The following DNAH10 variants were observed in gnomAD, a reference collection of about 807,000 sequenced individuals.
The protein encoded by DNAH10 is dynein axonemal heavy chain 10, also known as axonemal beta dynein heavy chain 10.
DNAH10 carries 348 observed loss-of-function variants against 506.6 expected under a neutral mutation model. That is an observed-to-expected ratio of 0.69 (90% confidence interval 0.63 to 0.75). The LOEUF (loss-of-function observed/expected upper bound fraction) is 0.75, where lower values mean the gene tolerates loss of function less well. Ranked by LOEUF, DNAH10 falls within the 30% of genes least tolerant of loss-of-function variation. DNAH10 has a pLI of 0.00. For synonymous variants in DNAH10, 2,059 were observed against 2,198.6 expected, an observed-to-expected ratio of 0.94 and a Z score of 1.78; for missense variants, 5,179 against 5,787.1, an observed-to-expected ratio of 0.89 and a Z score of 3.41.
chr12:123,811,183 C>T (rs1958916956), intron 19 of DNAH10, among the ~76,000 whole-genome samples: 1 of 152,204 alleles, frequency 6.6e-6, no homozygotes, highest in Non-Finnish European at 1.5e-5. Flanking sequence ...TTTACCTCCT[C>T]TACTAAGTGG....
Position 123,826,688 on chromosome 12 carries a change from T to C in DNAH10, c.4181T>C (p.Val1394Ala). 1.2e-6 allele frequency: 2 copies of C among 1,612,684 alleles called. No individual in the cohort carries two copies. The highest frequency in any genetic ancestry group is 1.7e-6 in the Non-Finnish European group (2 of 1,179,278). The change falls in exon 25 of 79, where the codon GTT becomes GCT. Residue 1394 changes from valine to alanine, a missense_variant and splice_region_variant. Physicochemically the swap from Val to Ala is moderately conservative, Grantham distance 64 (BLOSUM62 0). Around this residue, in one of 3 missense-constraint regions of DNAH10, gnomAD observed 4,844 missense variants for 5,430.5 expected, o/e 0.89. Coordinates refer to ENST00000673944, the MANE Select transcript of DNAH10 (RefSeq NM_001372106.1). ...MIYELYEGLKVAKEEWSQTLW... is the reference protein window; with the variant it reads ...MIYELYEGLKAAKEEWSQTLW... The stretch of plus-strand genomic sequence containing the variant: ...GAGCTGTTCCTTGCACGTTTCCAGG[T>C]TGCAAAAGAAGAATGGTCTCAGACC...
intron 25 of DNAH10, among the ~76,000 whole-genome samples, chr12:123,827,767 C>T (rs1960140897): frequency 1.3e-5 from 2 of 152,198 alleles, no homozygotes; most frequent in African/African-American, 2.4e-5. Flanking sequence ...CTCGTAAGTG[C>T]TGGCTTGTTT....
At chr12:123,820,493 A>G (rs765464224) in intron 23 of DNAH10, 87 bp from the exon 24 acceptor site, 25 of 1,326,522 alleles carry the variant, frequency 1.9e-5, no homozygotes, top group Non-Finnish European at 2.1e-6. Flanking sequence ...TGAAATTATA[A>G]TTGAGATACA....
intron 76 of DNAH10, among the ~76,000 whole-genome samples, chr12:123,933,017 C>T (rs1263260739): frequency 6.6e-6 from 1 of 152,152 alleles, no homozygotes; most frequent in Non-Finnish European, 1.5e-5. Context: ...TACATTTTTC[C>T]GTAGTCAAAC....
chr12:123,894,817 T>C, intron 54 of DNAH10, 94 bp downstream of exon 54: 1 of 1,163,440 alleles, frequency 8.6e-7, no homozygotes, highest in Non-Finnish European at 1.3e-6. Context: ...TGTAGATTTC[T>C]TCACTGGAAA....
At chr12:123,843,040 C>G (rs756925896) in intron 30 of DNAH10, among the ~76,000 whole-genome samples, 19 of 152,222 alleles carry the variant, frequency 1.2e-4, no homozygotes, top group Non-Finnish European at 2.6e-4. Context: ...GAAGTTTACA[C>G]CAGCATCAGT....
At chr12:123,878,937 C>A (rs1952377962) in intron 48 of DNAH10, among the ~76,000 whole-genome samples, 2 of 152,100 alleles carry the variant, frequency 1.3e-5, no homozygotes. Flanking sequence ...TTGCCAGTGA[C>A]CCTGATGCTG....
chr12:123,915,624 G>T (rs918051898), intron 62 of DNAH10, among the ~76,000 whole-genome samples: 1 of 152,198 alleles, frequency 6.6e-6, no homozygotes, highest in East Asian at 1.9e-4. Flanking sequence ...CTCAGACGCT[G>T]TGTGGCCTTT....
At chr12:123,866,274 C>T (rs1171753111) in intron 41 of DNAH10, among the ~76,000 whole-genome samples, 3 of 109,412 alleles carry the variant, frequency 2.7e-5, no homozygotes, top group Non-Finnish European at 5.1e-5. Flanking sequence ...GACGGAGTCT[C>T]GCTCTGTCAC....
intron 54 of DNAH10, among the ~76,000 whole-genome samples, chr12:123,897,466 G>A (rs375242948): frequency 2.0e-5 from 3 of 152,222 alleles, no homozygotes; most frequent in South Asian, 4.1e-4. Flanking sequence ...AGTCACGCCT[G>A]TAATCCCAGC....
At chr12:123,885,736 C>A (rs556236015) in intron 51 of DNAH10, among the ~76,000 whole-genome samples, 7 of 152,322 alleles carry the variant, frequency 4.6e-5, no homozygotes, top group African/African-American at 1.7e-4. Context: ...TGTCTGTTTT[C>A]ACATATTCTT....
In DNAH10 at chr12:123,787,200, C is replaced by G. The variant is rs1301249115; in HGVS notation, c.1422-604C>G. Among the ~76,000 whole-genome samples the G allele has an allele frequency of 1.3e-5, 2 of 151,992 alleles. No individual in the cohort carries two copies. Among genetic ancestry groups the G allele is most frequent in the African/African-American group, 4.8e-5 (2 of 41,362 alleles). On this transcript the variant is annotated intron_variant, in intron 9 of 78. Transcript: ENST00000673944. The surrounding 1 kb of genome is among the most constrained non-coding windows in gnomAD (Gnocchi z 4.6). Reference sequence around the variant, plus strand: ...TATCTATATGTATCTAGATAGATATCTATATTTATCCATATCTATACATAG... The same window carrying G: ...TATCTATATGTATCTAGATAGATATGTATATTTATCCATATCTATACATAG...
intron 21 of DNAH10, among the ~76,000 whole-genome samples, chr12:123,818,711 A>G (rs1959187090): frequency 1.3e-5 from 2 of 152,052 alleles, no homozygotes; most frequent in South Asian, 4.2e-4. Flanking sequence ...CAAACTCCTG[A>G]GCTCAAGGGA....
chr12:123,797,251 C>T (rs1015357294), intron 13 of DNAH10, among the ~76,000 whole-genome samples: 1 of 152,200 alleles, frequency 6.6e-6, no homozygotes. Flanking sequence ...CTGCTGCCGC[C>T]ATGCAGCACG....
chr12:123,817,925 T>C (rs1959174479), intron 21 of DNAH10, among the ~76,000 whole-genome samples: 1 of 152,062 alleles, frequency 6.6e-6, no homozygotes, highest in Non-Finnish European at 1.5e-5. Context: ...CTTATCTCTC[T>C]GTAATATCTC....
intron 24 of DNAH10, among the ~76,000 whole-genome samples, chr12:123,822,550 TATCTA>T (rs1959525000): frequency 6.6e-6 from 1 of 152,226 alleles, no homozygotes; most frequent in African/African-American, 2.4e-5. Context: ...TGTATTACAT[TATCTA>T]ATCTATATCT....
intron 73 of DNAH10, among the ~76,000 whole-genome samples, chr12:123,931,074 G>C (rs1276097311): frequency 6.6e-6 from 1 of 152,102 alleles, no homozygotes; most frequent in Non-Finnish European, 1.5e-5. Context: ...TATTAGCTGA[G>C]TGTGGTGGTG....
Position 123,913,702 on chromosome 12 carries a change from C to T in DNAH10, c.10352+387C>T, listed in dbSNP as rs1954336473. Among the ~76,000 whole-genome samples, 1 of 152,198 alleles carries T rather than the reference C, an allele frequency of 6.6e-6. No homozygotes were observed. The highest frequency in any genetic ancestry group is 2.4e-5 in the African/African-American group (1 of 41,446). On this transcript the variant is annotated intron_variant, in intron 60 of 78. Transcript: ENST00000673944. The surrounding 1 kb of genome is among the most constrained non-coding windows in gnomAD (Gnocchi z 5.1). ...CCGCACAGATGCCTTCTAAGGGTCC[C>T]AGTGGCTTGTTCAATCCTGGGCTTC...
Position 123,803,759 on chromosome 12 carries a change from C to T in DNAH10, c.2713C>T (p.Leu905=), listed in dbSNP as rs1958557761. Residue 905 remains leucine, a synonymous_variant, in exon 17 of 79, where the codon CTG becomes TTG. Transcript: ENST00000673944. ...HKNADDISSR[L]TLIEAINLFK... ...GAATGCAGATGACATTTCTTCCAGG[C>T]TGACATTAATAGAGGCCATAAATCT... 3 of 1,611,424 alleles carry T rather than the reference C, an allele frequency of 1.9e-6. No homozygotes were observed. The highest frequency in any genetic ancestry group is 1.7e-4 in the Middle Eastern group (1 of 6,050).
Sources: gnomAD v4.1 joint callset for allele counts (sites outside exome capture counted in the v4.1 genomes callset) on GRCh38, gnomAD v4.1.1 for gene constraint, gnomAD v4.1.1 regional missense constraint, Gnocchi (gnomAD v3.1) non-coding constraint, MANE v1.5 for transcripts, NCBI Gene and HGNC (gene_info 2026-07-23, HGNC 2026-07-21) for gene names.